Variants in NRK observed in about 807,000 individuals in gnomAD.
NRK encodes Nik related kinase.
In NRK, 67 loss-of-function variants were observed where a neutral mutation model predicts 125.2. The observed-to-expected ratio is 0.54, with a 90% CI of 0.44 to 0.66. The LOEUF (loss-of-function observed/expected upper bound fraction) is 0.66, where lower values mean the gene tolerates loss of function less well. NRK is among the 30% of genes least tolerant of loss of function. The pLI, the probability that NRK is intolerant of heterozygous loss-of-function variation, is 0.00. For synonymous variants in NRK, 458 were observed against 429.0 expected (o/e 1.07, Z -0.84); for missense variants, 1,224 against 1,192.9 (o/e 1.03, Z -0.38).
At chrX:105,937,630 G>T in intron 22 of NRK, 48 bp downstream of exon 22, 3 of 966,012 alleles carry the variant, frequency 3.1e-6, no homozygotes, top group Admixed American at 2.6e-5. Flanking sequence ...AGATTAATTA[G>T]TCTGCAAACT....
In NRK at chrX:105,946,417, A is replaced by T. The variant is rs1379702099; in HGVS notation, c.4306A>T (p.Ile1436Phe). 8.3e-7 allele frequency: 1 copy of T among 1,198,452 alleles called. No homozygotes were observed. Among genetic ancestry groups the T allele is most frequent in the South Asian group, 1.8e-5 (1 of 56,179 alleles). ...CAGCTCAGCAGATGGATATCACCTC[A>T]TCGATGCAGAATCTGAGGTTATGTC... ...FFSSADGYHL[I>F]DAESEVMSDV... The change falls in exon 26 of 29, where the codon ATC (isoleucine) becomes TTC (phenylalanine). Residue 1436 changes from isoleucine to phenylalanine, a missense_variant. Transcript: ENST00000243300.
intron 14 of NRK, among the ~76,000 whole-genome samples, chrX:105,915,209 G>C (rs2040350552): frequency 9.0e-6 from 1 of 110,594 alleles, no homozygotes; most frequent in Non-Finnish European, 1.9e-5. Flanking sequence ...GGACACTTTT[G>C]ACTAGAGAGA....
Position 105,908,889 on chromosome X carries a change from C to A in NRK, c.1248C>A (p.Phe416Leu). 1 of 1,210,703 alleles carries A rather than the reference C, an allele frequency of 8.3e-7. No homozygotes were observed. The highest frequency in any genetic ancestry group is 1.1e-6 in the Non-Finnish European group (1 of 894,803). ...LQQLQGAARV[F>L]MPLQALDSAP... Reference sequence around the variant, plus strand: ...AGCTACAGGGAGCAGCCAGGGTATTCATGCCACTGCAGGCTCTGGACAGTG... The same window carrying A: ...AGCTACAGGGAGCAGCCAGGGTATTAATGCCACTGCAGGCTCTGGACAGTG... Residue 416 changes from phenylalanine (F) to leucine (L), a missense_variant, in exon 13 of 29, where the codon TTC (phenylalanine) becomes TTA (leucine). By Grantham distance (22) the Phe-to-Leu change is conservative. Coordinates refer to ENST00000243300, the MANE Select transcript of NRK (RefSeq NM_198465.4).
At chrX:105,866,881 A>G (rs1464296531) in intron 2 of NRK, among the ~76,000 whole-genome samples, 2 of 111,422 alleles carry the variant, frequency 1.8e-5, no homozygotes, top group African/African-American at 6.5e-5. Context: ...TAAAAAGATT[A>G]TTTAATCTAT....
At chrX:105,892,740 T>C (rs2040030903) in intron 5 of NRK, among the ~76,000 whole-genome samples, 1 of 111,743 alleles carries the variant, frequency 8.9e-6, no homozygotes, top group Admixed American at 9.5e-5. Context: ...TCTCTTCTTC[T>C]TTTTGGTGAA....
At chrX:105,893,201 A>C (rs1388208635) in intron 5 of NRK, among the ~76,000 whole-genome samples, 1 of 112,036 alleles carries the variant, frequency 8.9e-6, no homozygotes, top group Non-Finnish European at 1.9e-5. Context: ...TAGTTTTAAA[A>C]TAGGTTTTCC....
chrX:105,909,400 G>T lies in NRK; in HGVS notation c.1759G>T (p.Val587Leu). Residue 587 changes from valine to leucine, a missense_variant, in exon 13 of 29, where the codon GTA becomes TTA. Physicochemically the swap from Val to Leu is conservative, Grantham distance 32. Coordinates refer to ENST00000243300, the MANE Select transcript of NRK (RefSeq NM_198465.4). ...EPESLRVNAQ[V>L]FLPLLSQDHH... The stretch of plus-strand genomic sequence containing the variant: ...TGAGTCATTACGAGTAAATGCCCAG[G>T]TATTTCTGCCCCTGCTATCACAAGA... The T allele has an allele frequency of 8.3e-7, 1 of 1,207,126 alleles. No individual in the cohort carries two copies. The highest frequency in any genetic ancestry group is 1.1e-6 in the Non-Finnish European group (1 of 893,112).
intron 7 of NRK, 77 bp downstream of exon 7, chrX:105,895,600 A>G (rs966184929): frequency 4.7e-5 from 31 of 657,327 alleles, no homozygotes; most frequent in Admixed American, 7.6e-5. Context: ...TATGCTTTCT[A>G]TCATGTCCCT....
intron 2 of NRK, among the ~76,000 whole-genome samples, chrX:105,850,914 T>C (rs143271737): frequency 1.8e-5 from 2 of 112,504 alleles, no homozygotes; most frequent in African/African-American, 6.4e-5. Context: ...CTCTGCCTAT[T>C]ACCCAGTTCC....
intron 5 of NRK, 99 bp from the exon 6 acceptor site, chrX:105,893,733 A>G (rs2040044252): frequency 3.9e-6 from 2 of 512,854 alleles, no homozygotes; most frequent in East Asian, 7.4e-5. Context: ...CTTAATCTCT[A>G]AACATTACAT....
chrX:105,861,291 A>G (rs2039599049), intron 2 of NRK, among the ~76,000 whole-genome samples: 2 of 112,331 alleles, frequency 1.8e-5, no homozygotes, highest in Non-Finnish European at 3.8e-5. Flanking sequence ...ATCCATTCAG[A>G]TCATTTGTCA....
chrX:105,893,647 G>C (rs887852222), intron 5 of NRK, among the ~76,000 whole-genome samples, 185 bp from the exon 6 acceptor site: 1 of 111,800 alleles, frequency 8.9e-6, no homozygotes, highest in Non-Finnish European at 1.9e-5. Context: ...CAAATCTTTG[G>C]TTTTAATCCA....
At chrX:105,953,978 G>A (rs1353413551) in intron 28 of NRK, among the ~76,000 whole-genome samples, 1 of 111,080 alleles carries the variant, frequency 9.0e-6, no homozygotes, top group Admixed American at 9.6e-5. Flanking sequence ...GCAAAAACCT[G>A]TGTTTCAGGT....
At chrX:105,922,255 C>T (rs1167552800) in intron 17 of NRK, among the ~76,000 whole-genome samples, 194 bp downstream of exon 17, 1 of 111,602 alleles carries the variant, frequency 9.0e-6, no homozygotes, top group Non-Finnish European at 1.9e-5. Flanking sequence ...AATGGGAAAA[C>T]ATTTAATCAA....
intron 2 of NRK, among the ~76,000 whole-genome samples, chrX:105,844,216 A>G (rs781731052): frequency 1.9e-4 from 21 of 110,984 alleles, no homozygotes; most frequent in Non-Finnish European, 3.6e-4. Flanking sequence ...CTGCTGCACT[A>G]AGAGCAAGGA....
intron 4 of NRK, among the ~76,000 whole-genome samples, chrX:105,884,956 A>C (rs1486827869): frequency 9.0e-6 from 1 of 110,672 alleles, no homozygotes; most frequent in East Asian, 2.9e-4. Flanking sequence ...ATGCTTGGCT[A>C]ATTTTTGTAC....
intron 23 of NRK, among the ~76,000 whole-genome samples, chrX:105,943,421 C>G (rs1176650919): frequency 8.9e-6 from 1 of 111,995 alleles, no homozygotes; most frequent in South Asian, 3.7e-4. Context: ...GCTTTGATTA[C>G]TGTAACTTGC....
At chrX:105,835,245 T>C (rs138015676) in intron 2 of NRK, among the ~76,000 whole-genome samples, 2 of 111,676 alleles carry the variant, frequency 1.8e-5, no homozygotes, top group East Asian at 2.8e-4. Flanking sequence ...TTACTCTCAG[T>C]TCACTACCAG....
chrX:105,822,990 G>A, intron 1 of NRK, 88 bp downstream of exon 1: 1 of 853,966 alleles, frequency 1.2e-6, no homozygotes, highest in East Asian at 3.7e-5. Context: ...CCCTCAAAAC[G>A]GGCTAGACCA....
Sources: allele counts gnomAD v4.1 joint callset (sites outside exome capture counted in the v4.1 genomes callset), GRCh38; gene constraint gnomAD v4.1.1; transcripts MANE v1.5; gene names NCBI Gene and HGNC (gene_info 2026-07-23, HGNC 2026-07-21).